GDAP1: variants seen among roughly 807,000 people sequenced by gnomAD.
The protein encoded by GDAP1 is ganglioside-induced differentiation-associated protein 1.
GDAP1 carries 34 observed loss-of-function variants against 40.1 expected under a neutral mutation model. The observed-to-expected ratio is 0.85, with a 90% CI of 0.64 to 1.13. The LOEUF is 1.13. Ranked by LOEUF, GDAP1 falls within the 50% of genes most tolerant of loss-of-function variation. GDAP1 has a pLI of 0.00. For missense variants in GDAP1, 374 were observed against 433.7 expected (o/e 0.86, Z 1.22); for synonymous variants, 170 against 157.4 (o/e 1.08, Z -0.60).
intron 2 of GDAP1, among the ~76,000 whole-genome samples, chr8:74,444,006 CTATCTATCTATCT>C (rs956755294): frequency 3.2e-4 from 46 of 143,270 alleles, no homozygotes; most frequent in Admixed American, 1.1e-3. Flanking sequence ...ATCTATCTAT[CTATCTATCTATCT>C]ATCTATCATC....
intron 2 of GDAP1, among the ~76,000 whole-genome samples, chr8:74,468,084 T>G (rs1014526188): frequency 1.3e-5 from 2 of 152,120 alleles, no homozygotes; most frequent in African/African-American, 4.8e-5. Flanking sequence ...AATTACATAA[T>G]TATTTGGGCC....
chr8:74,447,023 T>C (rs1335665207), intron 2 of GDAP1, among the ~76,000 whole-genome samples: 2 of 152,100 alleles, frequency 1.3e-5, no homozygotes, highest in African/African-American at 4.8e-5. Flanking sequence ...AACCACTAAA[T>C]TGTACATTTA....
At chr8:74,391,224 T>C (rs1586819165) in intron 2 of GDAP1, among the ~76,000 whole-genome samples, 1 of 151,096 alleles carries the variant, frequency 6.6e-6, no homozygotes, top group Middle Eastern at 3.4e-3. Context: ...GCTAGTGGGG[T>C]ATGAAAAAAA....
At chr8:74,358,103 T>G (rs1243169638) in intron 2 of GDAP1, among the ~76,000 whole-genome samples, 7 of 152,222 alleles carry the variant, frequency 4.6e-5, no homozygotes, top group Non-Finnish European at 1.0e-4. Context: ...TCTCATGCTC[T>G]GACAGAGTGC....
intron 2 of GDAP1, among the ~76,000 whole-genome samples, chr8:74,447,404 T>C (rs1806244698): frequency 6.6e-6 from 1 of 152,168 alleles, no homozygotes; most frequent in African/African-American, 2.4e-5. Flanking sequence ...ATTTCTGTAG[T>C]ACAGTTTGAG....
chr8:74,474,029 G>A (rs945309882), intron 2 of GDAP1, among the ~76,000 whole-genome samples: 3 of 152,116 alleles, frequency 2.0e-5, no homozygotes, highest in African/African-American at 7.2e-5. Flanking sequence ...CTGGTTAGCT[G>A]TATTCCTAGA....
At chr8:74,422,232 T>TCCTC (rs139621817) in intron 2 of GDAP1, among the ~76,000 whole-genome samples, 2 of 145,258 alleles carry the variant, frequency 1.4e-5, no homozygotes, top group Admixed American at 6.9e-5. Flanking sequence ...TTCCCTTCCT[T>TCCTC]CCTCCCTCCC....
At chr8:74,376,190 T>C (rs961840359) in intron 2 of GDAP1, among the ~76,000 whole-genome samples, 1 of 152,210 alleles carries the variant, frequency 6.6e-6, no homozygotes, top group Non-Finnish European at 1.5e-5. Flanking sequence ...TCCGCAAATG[T>C]ATCTGTAGAT....
At chr8:74,440,536 A>G (rs1806150247) in intron 2 of GDAP1, among the ~76,000 whole-genome samples, 1 of 150,512 alleles carries the variant, frequency 6.6e-6, no homozygotes, top group African/African-American at 2.4e-5. Flanking sequence ...AATCCAACCT[A>G]TCTCTCGTAT....
At chr8:74,460,319 T>C (rs1304892748) in intron 2 of GDAP1, among the ~76,000 whole-genome samples, 1 of 152,240 alleles carries the variant, frequency 6.6e-6, no homozygotes, top group Non-Finnish European at 1.5e-5. Context: ...GAGAAGGGAA[T>C]GTTCCATTTG....
chr8:74,424,316 C>T (rs1416321661), intron 2 of GDAP1, among the ~76,000 whole-genome samples: 5 of 152,116 alleles, frequency 3.3e-5, no homozygotes, highest in African/African-American at 9.7e-5. Flanking sequence ...ATTGAATCCA[C>T]GGATGTAGAA....
chr8:74,459,411 A>C (rs1806373462), intron 2 of GDAP1, among the ~76,000 whole-genome samples: 1 of 152,196 alleles, frequency 6.6e-6, no homozygotes, highest in Non-Finnish European at 1.5e-5. Flanking sequence ...CCTTTTTAAA[A>C]ATGCAAGTCC....
chr8:74,413,142 T>C (rs1805736699), intron 2 of GDAP1, among the ~76,000 whole-genome samples: 1 of 146,172 alleles, frequency 6.8e-6, no homozygotes, highest in African/African-American at 2.7e-5. Context: ...TTCAAGTGTG[T>C]ATGCTAAAAG....
chr8:74,481,731 A>G (rs1469463838), intron 2 of GDAP1, among the ~76,000 whole-genome samples: 2 of 152,208 alleles, frequency 1.3e-5, no homozygotes, highest in East Asian at 3.8e-4. Flanking sequence ...ATTATTAACT[A>G]AAATAAGCTT....
chr8:74,374,160 AGTATT>A (rs1218586949), intron 2 of GDAP1, among the ~76,000 whole-genome samples: 1 of 152,172 alleles, frequency 6.6e-6, no homozygotes, highest in Non-Finnish European at 1.5e-5. Flanking sequence ...TCGGTTTGCC[AGTATT>A]GTATTGAGGA....
Position 74,437,919 on chromosome 8 carries a change from C to G in GDAP1, c.166-50759C>G, listed in dbSNP as rs376637984. Reference sequence around the variant, plus strand: ...TTAACACAGTGCTGCAATAAACATTCTTGCACATGTGCACTTGTCCACATG... The same window carrying G: ...TTAACACAGTGCTGCAATAAACATTGTTGCACATGTGCACTTGTCCACATG... On this transcript the variant is annotated intron_variant, in intron 2 of 2. Transcript: ENST00000523640. Among the ~76,000 whole-genome samples the G allele has an allele frequency of 1.6e-4, 25 of 152,270 alleles. No homozygotes were observed. In the South Asian group the frequency reaches 5.0e-3, roughly 30 times the overall value.
In GDAP1 at chr8:74,351,307, T is replaced by C. The variant is rs960211384; in HGVS notation, c.151T>C (p.Cys51Arg). 1.2e-6 allele frequency: 2 copies of C among 1,614,160 alleles called. No homozygotes were observed. Among genetic ancestry groups the C allele is most frequent in the Admixed American group, 3.3e-5 (2 of 60,028 alleles). Residue 51 changes from cysteine to arginine, a missense_variant, in exon 2 of 6, where the codon TGC becomes CGC. Transcript: ENST00000220822. ...GGTAATTGCTGAAAAGGCATTGAAGTGCGAGGAACATGATGTAAGTCTGCC... is the reference window on the plus strand; with the variant it reads ...GGTAATTGCTGAAAAGGCATTGAAGCGCGAGGAACATGATGTAAGTCTGCC... Reference protein sequence around the residue: ...RLVIAEKALKCEEHDVSLPLS... With the variant: ...RLVIAEKALKREEHDVSLPLS...
chr8:74,377,979 A>G (rs1165512944), intron 2 of GDAP1, among the ~76,000 whole-genome samples: 2 of 152,246 alleles, frequency 1.3e-5, no homozygotes, highest in African/African-American at 2.4e-5. Context: ...ACTAATATAG[A>G]TGAATTTCAA....
intron 2 of GDAP1, among the ~76,000 whole-genome samples, chr8:74,423,031 T>C (rs1203918119): frequency 1.4e-5 from 2 of 147,860 alleles, no homozygotes; most frequent in East Asian, 3.9e-4. Context: ...ATATATACTA[T>C]AATATATATG....
Sources: gnomAD v4.1 joint callset for allele counts (sites outside exome capture counted in the v4.1 genomes callset) on GRCh38, gnomAD v4.1.1 for gene constraint, MANE v1.5 for transcripts, NCBI Gene and HGNC (gene_info 2026-07-23, HGNC 2026-07-21) for gene names.